Variants in APPL1 observed in about 807,000 individuals in gnomAD.
The protein encoded by APPL1 is adaptor protein, phosphotyrosine interacting with PH domain and leucine zipper 1, also known as DCC-interacting protein 13-alpha.
In APPL1, 42 loss-of-function variants were observed where a neutral mutation model predicts 106.8. The ratio of observed to expected loss-of-function variants is 0.39; its 90% confidence interval spans 0.31 to 0.51. The LOEUF (loss-of-function observed/expected upper bound fraction) is 0.51, where lower values mean the gene tolerates loss of function less well. APPL1 is among the 20% of genes least tolerant of loss of function. The pLI is 0.75. For synonymous variants in APPL1, 263 were observed against 281.8 expected (o/e 0.93, Z 0.67); for missense variants, 769 against 858.2 (o/e 0.90, Z 1.30).
At chr3:57,252,657 T>C (rs925574900) in intron 12 of APPL1, among the ~76,000 whole-genome samples, 1 of 152,136 alleles carries the variant, frequency 6.6e-6, no homozygotes, top group African/African-American at 2.4e-5. Context: ...CACTATTTGC[T>C]ACACTAAGAA....
rs1047346520 is a variant in APPL1 at position 57,271,764 on chromosome 3, A to C, written c.*2077A>C. 6.6e-6 allele frequency: 1 copy of C among 152,186 alleles called. No individual in the cohort carries two copies. Among genetic ancestry groups the C allele is most frequent in the African/African-American group, 2.4e-5 (1 of 41,440 alleles). 9.4% of individuals were successfully genotyped at this position (152,186 alleles called of 1,614,324 possible). A position where few individuals can be genotyped will look rare whatever the true frequency, so the allele number is the denominator to read the frequency against. Reference sequence around the variant, plus strand: ...GCTGGACAGACCTGTAGTTCGTTTTAAGTCATGTTCACAGGAATTTCTACA... The same window carrying C: ...GCTGGACAGACCTGTAGTTCGTTTTCAGTCATGTTCACAGGAATTTCTACA... On this transcript the variant is annotated 3_prime_UTR_variant, in exon 22 of 22. Transcript: ENST00000288266.
intron 13 of APPL1, among the ~76,000 whole-genome samples, chr3:57,254,717 C>T (rs1388180509): frequency 3.3e-5 from 5 of 152,206 alleles, no homozygotes; most frequent in East Asian, 1.9e-4. Context: ...CTCTGCCTCC[C>T]GGGTTCAAGC....
Position 57,250,316 on chromosome 3 carries a change from A to T in APPL1, c.1052+768A>T, listed in dbSNP as rs538234450. ...CCACTGTGCCTGGCAATTAAAAAAAATTTTTTTGTAGAGATGTCTCATCAT... is the reference window on the plus strand; with the variant it reads ...CCACTGTGCCTGGCAATTAAAAAAATTTTTTTTGTAGAGATGTCTCATCAT... On this transcript the variant is annotated intron_variant, in intron 11 of 21. Transcript: ENST00000288266. Among the ~76,000 whole-genome samples the T allele has an allele frequency of 3.0e-3, 449 of 152,020 alleles. 5 individuals are homozygous for T. Among genetic ancestry groups the T allele is most frequent in the African/African-American group, 0.01 (424 of 41,464 alleles).
chr3:57,267,747 TGA>T lies in APPL1; in HGVS notation c.1849_1850del (p.Asp617PhefsTer13). ...ESNNEGEKIC[D>X]SVGLAKQIAL... ...CATACTTTTTCTCTTTTTAGATATG[TGA>T]TTCTGTTGGACTGGCAAAACAGATA... On this transcript the variant is annotated frameshift_variant, in exon 20 of 22. Coordinates refer to ENST00000288266, the MANE Select transcript of APPL1 (RefSeq NM_012096.3). LOFTEE classifies it high-confidence loss of function. The T allele has an allele frequency of 6.2e-7, 1 of 1,613,956 alleles. No homozygotes were observed. Among genetic ancestry groups the T allele is most frequent in the Non-Finnish European group, 8.5e-7 (1 of 1,179,962 alleles).
intron 11 of APPL1, among the ~76,000 whole-genome samples, chr3:57,250,705 A>T (rs1214707114): frequency 4.6e-5 from 7 of 152,122 alleles, no homozygotes. Flanking sequence ...AAGGACATAC[A>T]GTATAATTTA....
chr3:57,252,974 A>T (rs896016782), intron 12 of APPL1, among the ~76,000 whole-genome samples: 11 of 152,142 alleles, frequency 7.2e-5, no homozygotes, highest in Admixed American at 2.0e-4. Context: ...ATAGAGATCT[A>T]CCTTTATTTA....
chr3:57,229,960 C>G (rs759101535), intron 1 of APPL1, among the ~76,000 whole-genome samples: 2 of 152,174 alleles, frequency 1.3e-5, no homozygotes, highest in South Asian at 2.1e-4. Flanking sequence ...GTGATCTGCC[C>G]GCCTTGGCCT....
chr3:57,268,457 A>C lies in APPL1; in HGVS notation c.1953A>C (p.Lys651Asn). 1.2e-6 allele frequency: 2 copies of C among 1,605,264 alleles called. No individual in the cohort carries two copies. Among genetic ancestry groups the C allele is most frequent in the Non-Finnish European group, 1.7e-6 (2 of 1,175,652 alleles). Reference protein sequence around the residue: ...EIERVKEKQQKELNKQKQIEK... With the variant: ...EIERVKEKQQNELNKQKQIEK... Reference sequence around the variant, plus strand: ...AGAGAGTAAAAGAGAAGCAACAGAAAGAACTCAATAAACAAAAACAGATTG... The same window carrying C: ...AGAGAGTAAAAGAGAAGCAACAGAACGAACTCAATAAACAAAAACAGATTG... The change falls in exon 21 of 22, where the codon AAA becomes AAC. Residue 651 changes from lysine (K) to asparagine (N), a missense_variant. By Grantham distance (94) the Lys-to-Asn change is moderately conservative. Transcript: ENST00000288266.
Position 57,268,398 on chromosome 3 carries a change from G to A in APPL1, c.1894G>A (p.Asp632Asn), listed in dbSNP as rs1212464234. 1.9e-6 allele frequency: 3 copies of A among 1,562,458 alleles called. No individual in the cohort carries two copies. In the East Asian group the frequency reaches 6.8e-5, roughly 35 times the overall value. The change falls in exon 21 of 22, where the codon GAT becomes AAT. Residue 632 changes from aspartate to asparagine, a missense_variant and splice_region_variant. Transcript: ENST00000288266. ...AKQIALHAEL[D>N]RRASEKQKEI... Reference sequence around the variant, plus strand: ...TTAGTTTTATTCATCTGTTCTTTAGGATCGTAGGGCATCAGAAAAACAAAA... The same window carrying A: ...TTAGTTTTATTCATCTGTTCTTTAGAATCGTAGGGCATCAGAAAAACAAAA...
At chr3:57,261,878 T>G (rs1222232463) in intron 19 of APPL1, among the ~76,000 whole-genome samples, 2 of 152,206 alleles carry the variant, frequency 1.3e-5, no homozygotes. Flanking sequence ...CTAGTTTATG[T>G]TCCCACCAAC....
At chr3:57,236,891 C>A (rs1224470866) in intron 2 of APPL1, among the ~76,000 whole-genome samples, 11 of 152,020 alleles carry the variant, frequency 7.2e-5, no homozygotes, top group Non-Finnish European at 1.3e-4. Flanking sequence ...ATATTGTTTG[C>A]TTTCTGGCTT....
intron 7 of APPL1, among the ~76,000 whole-genome samples, chr3:57,243,782 T>C (rs2060758491): frequency 6.6e-6 from 1 of 152,200 alleles, no homozygotes; most frequent in Admixed American, 6.5e-5. Flanking sequence ...AGTTAAAGGC[T>C]CTGGGTATAA....
chr3:57,269,473 C>T, intron 21 of APPL1, 68 bp from the exon 22 acceptor site: 1 of 1,561,486 alleles, frequency 6.4e-7, no homozygotes, highest in Non-Finnish European at 8.7e-7. Flanking sequence ...AAGAATGTAT[C>T]TTAACTGCAT....
Position 57,228,002 on chromosome 3 carries a change from T to G in APPL1, c.54+65T>G, listed in dbSNP as rs2060662103. On this transcript the variant is annotated intron_variant, in intron 1 of 21. Coordinates refer to ENST00000288266, the MANE Select transcript of APPL1 (RefSeq NM_012096.3). The surrounding 1 kb of genome is among the most constrained non-coding windows in gnomAD (Gnocchi z 4.6). ...GCTGGCCGACCCCAGGTCTGGCGCC[T>G]CCGCGGCTCCCGCAGGTGCCCGCCC... 1 of 1,313,282 alleles carries G rather than the reference T, an allele frequency of 7.6e-7. No individual in the cohort carries two copies. Among genetic ancestry groups the G allele is most frequent in the Admixed American group, 2.8e-5 (1 of 35,634 alleles). 81.4% of individuals were successfully genotyped at this position (1,313,282 alleles called of 1,614,324 possible). A position where few individuals can be genotyped will look rare whatever the true frequency, so the allele number is the denominator to read the frequency against.
chr3:57,241,379 G>A (rs192186138), intron 5 of APPL1, among the ~76,000 whole-genome samples: 1 of 152,230 alleles, frequency 6.6e-6, no homozygotes, highest in East Asian at 1.9e-4. Context: ...GGATTACTAG[G>A]TGATACAATG....
At chr3:57,260,553 C>T in intron 18 of APPL1, 75 bp from the exon 19 acceptor site, 1 of 1,333,768 alleles carries the variant, frequency 7.5e-7, no homozygotes, top group Non-Finnish European at 1.0e-6. Flanking sequence ...TAGAACTTAG[C>T]ATATGAGTTT....
chr3:57,235,703 GAAT>G (rs1249596781), intron 2 of APPL1, 39 bp downstream of exon 2: 1 of 1,448,376 alleles, frequency 6.9e-7, no homozygotes, highest in Non-Finnish European at 9.7e-7. Flanking sequence ...TTTAAAACAC[GAAT>G]CTTTAAGCCT....
rs1365547871 is a variant in APPL1, at chr3:57,237,488, A to G, written c.154-4A>G. 3 of 1,597,042 alleles carry G rather than the reference A, an allele frequency of 1.9e-6. No individual in the cohort carries two copies. Among genetic ancestry groups the G allele is most frequent in the Non-Finnish European group, 8.5e-7 (1 of 1,173,028 alleles). On this transcript the variant is annotated splice_polypyrimidine_tract_variant and splice_region_variant and intron_variant, in intron 2 of 21. Transcript: ENST00000288266. ...ATATGCTAATTTGAATGCTTTTTCC[A>G]TAGAATGAATTAAGTGCAGCAACAC...
intron 19 of APPL1, among the ~76,000 whole-genome samples, chr3:57,264,801 CTT>C (rs201592600): frequency 1.8e-4 from 21 of 114,220 alleles, no homozygotes; most frequent in Non-Finnish European, 2.7e-4. Flanking sequence ...GTCTATGTGT[CTT>C]TTTTTTTTTT....
Sources: gnomAD v4.1 joint callset for allele counts (sites outside exome capture counted in the v4.1 genomes callset) on GRCh38, gnomAD v4.1.1 for gene constraint, Gnocchi (gnomAD v3.1) non-coding constraint, MANE v1.5 for transcripts, NCBI Gene and HGNC (gene_info 2026-07-23, HGNC 2026-07-21) for gene names.